RIMS1: variants seen among roughly 807,000 people sequenced by gnomAD.
RIMS1 encodes regulating synaptic membrane exocytosis protein 1.
RIMS1 carries 83 observed loss-of-function variants against 214.1 expected under a neutral mutation model. The ratio of observed to expected loss-of-function variants is 0.39; its 90% CI spans 0.32 to 0.47. RIMS1 has a LOEUF of 0.47. Among genes scored for constraint, RIMS1 ranks in the 20% least tolerant of loss-of-function variants. The probability of loss-of-function intolerance (pLI) is 0.99; values close to 1 mark genes in which losing one functional copy is unlikely to be tolerated. For missense variants in RIMS1, 2,050 were observed against 2,161.8 expected (o/e 0.95, Z 1.03); for synonymous variants, 793 against 786.8 (o/e 1.01, Z -0.13).
intron 3 of RIMS1, among the ~76,000 whole-genome samples, chr6:72,098,935 T>G (rs1444401439): frequency 1.3e-5 from 2 of 152,230 alleles, no homozygotes; most frequent in African/African-American, 2.4e-5. Context: ...TAAGATCTAT[T>G]TGTTAACTTC....
At position 72,366,647 on chromosome 6, in the gene RIMS1, T is replaced by C. The variant is rs2098034029; in HGVS notation, c.4367-23951T>C. On this transcript the variant is annotated intron_variant, in intron 29 of 33. Coordinates refer to ENST00000521978, the MANE Select transcript of RIMS1 (RefSeq NM_014989.7). The stretch of plus-strand genomic sequence containing the variant: ...AGCACTCTTGACAGAAGCAATTTAA[T>C]TATATTCTGTATATGCATGAGAAGG... 7.4e-6 allele frequency: 7 copies of C among 940,654 alleles called. No homozygotes were observed. The African/African-American group carries it at 8.9e-5, about 12-fold the overall frequency. The allele number at this position is 940,654 out of a possible 1,614,324, so 58.3% of individuals were successfully genotyped here. A position where few individuals can be genotyped will look rare whatever the true frequency, so the allele number is the denominator to read the frequency against.
chr6:72,118,250 A>G lies in RIMS1; in HGVS notation c.471+18264A>G, dbSNP rs147092832. Among the ~76,000 whole-genome samples the G allele has an allele frequency of 2.6e-4, 40 of 151,736 alleles. No homozygotes were observed. In the East Asian group the frequency reaches 7.3e-3, roughly 28 times the overall value. On this transcript the variant is annotated intron_variant, in intron 4 of 33. Coordinates refer to ENST00000521978, the MANE Select transcript of RIMS1 (RefSeq NM_014989.7). The stretch of plus-strand genomic sequence containing the variant: ...AAGATATAGAAACCCAGAACAGATC[A>G]ATAACAAGCAGTGGTATCTGCCATT...
chr6:72,126,772 A>C (rs2039597242), intron 4 of RIMS1: 1 of 249,278 alleles, frequency 4.0e-6, no homozygotes, highest in East Asian at 1.0e-4. Context: ...AAAAAAAAAA[A>C]AAAAAAAAAA....
At chr6:71,975,736 T>C (rs2151423455) in intron 2 of RIMS1, among the ~76,000 whole-genome samples, 1 of 152,264 alleles carries the variant, frequency 6.6e-6, no homozygotes, top group South Asian at 2.1e-4. Context: ...TACCCCATTC[T>C]CCTCAAAATA....
chr6:72,007,138 C>A (rs779752646), intron 2 of RIMS1, among the ~76,000 whole-genome samples: 1 of 152,134 alleles, frequency 6.6e-6, no homozygotes, highest in South Asian at 2.1e-4. Flanking sequence ...TCCAGAGGAA[C>A]GATCACGCAG....
At chr6:72,352,647 G>A (rs1351667637) in intron 29 of RIMS1, among the ~76,000 whole-genome samples, 6 of 152,122 alleles carry the variant, frequency 3.9e-5, no homozygotes, top group Non-Finnish European at 8.8e-5. Context: ...TGGTTCAGGT[G>A]CCCAGGTTCT....
intron 2 of RIMS1, among the ~76,000 whole-genome samples, chr6:72,091,063 T>G (rs1404901363): frequency 1.3e-5 from 2 of 152,218 alleles, no homozygotes; most frequent in African/African-American, 2.4e-5. Flanking sequence ...ACAGAGGCCA[T>G]GCTTATTGTT....
In RIMS1 at chr6:72,216,744, C is replaced by T. The variant is rs1188554815; in HGVS notation, c.1679-17029C>T. The T allele has an allele frequency of 1.8e-5, 18 of 986,034 alleles. No homozygotes were observed. In the African/African-American group the frequency reaches 2.8e-4, roughly 15 times the overall value. 61.1% of individuals were successfully genotyped at this position (986,034 alleles called of 1,614,324 possible). ...ACAAGATGAGCTCCTGAACATTTGC[C>T]TGAGTCTTTTCTTCTGTGTTAGCTT... is the stretch of plus-strand genomic sequence containing the variant. On this transcript the variant is annotated intron_variant, in intron 6 of 33. Transcript: ENST00000521978.
intron 16 of RIMS1, among the ~76,000 whole-genome samples, chr6:72,256,658 A>G (rs1186972126): frequency 1.3e-5 from 2 of 148,740 alleles, no homozygotes; most frequent in Non-Finnish European, 3.0e-5. Flanking sequence ...AATTCAGACT[A>G]TGGATTAATT....
intron 29 of RIMS1, among the ~76,000 whole-genome samples, chr6:72,337,968 AT>A (rs2096905182): frequency 6.6e-6 from 1 of 151,534 alleles, no homozygotes; most frequent in Non-Finnish European, 1.5e-5. Flanking sequence ...TATGTGCCAC[AT>A]TTCCTTAATC....
At chr6:72,278,724 A>G (rs2088200423) in intron 23 of RIMS1, among the ~76,000 whole-genome samples, 1 of 152,124 alleles carries the variant, frequency 6.6e-6, no homozygotes, top group Non-Finnish European at 1.5e-5. Flanking sequence ...TAATAGCTAC[A>G]GTCGTATACA....
chr6:72,339,784 C>A (rs1365006161), intron 29 of RIMS1, among the ~76,000 whole-genome samples: 7 of 151,910 alleles, frequency 4.6e-5, no homozygotes, highest in African/African-American at 7.3e-5. Context: ...ATTTATAGTC[C>A]TTTGGGTATA....
chr6:71,993,812 A>AT (rs919967986), intron 2 of RIMS1, among the ~76,000 whole-genome samples: 1 of 152,132 alleles, frequency 6.6e-6, no homozygotes, highest in Non-Finnish European at 1.5e-5. Context: ...GTAGGGGGCT[A>AT]TTTCCTTATG....
At chr6:72,000,779 T>A (rs1173961293) in intron 2 of RIMS1, among the ~76,000 whole-genome samples, 1 of 152,176 alleles carries the variant, frequency 6.6e-6, no homozygotes, top group Non-Finnish European at 1.5e-5. Context: ...TTTGCCATTG[T>A]TTATAGTCCT....
intron 1 of RIMS1, among the ~76,000 whole-genome samples, chr6:71,965,557 T>C (rs1377239005): frequency 6.6e-6 from 1 of 152,326 alleles, no homozygotes; most frequent in South Asian, 2.1e-4. Context: ...GAGTGGGCAG[T>C]TGGCAACCAT....
intron 4 of RIMS1, among the ~76,000 whole-genome samples, chr6:72,117,924 G>T (rs2037405307): frequency 6.6e-6 from 1 of 151,780 alleles, no homozygotes; most frequent in Admixed American, 6.6e-5. Flanking sequence ...AAATAACAAA[G>T]ATCAGAGCAA....
At chr6:71,917,558 A>G (rs905406825) in intron 1 of RIMS1, among the ~76,000 whole-genome samples, 2 of 152,128 alleles carry the variant, frequency 1.3e-5, no homozygotes, top group Non-Finnish European at 2.9e-5. Flanking sequence ...AAGAGGGAAG[A>G]AGGTCACCTA....
At chr6:72,075,054 G>C (rs1484451619) in intron 2 of RIMS1, among the ~76,000 whole-genome samples, 1 of 151,996 alleles carries the variant, frequency 6.6e-6, no homozygotes, top group Non-Finnish European at 1.5e-5. Context: ...GAAGTAGCTG[G>C]GAAGACAGAT....
intron 2 of RIMS1, among the ~76,000 whole-genome samples, chr6:72,077,555 C>T (rs1352051511): frequency 1.3e-5 from 2 of 152,164 alleles, no homozygotes; most frequent in South Asian, 2.1e-4. Flanking sequence ...ACACTTAGGT[C>T]TTCTTACTTT....
Sources: allele counts gnomAD v4.1 joint callset (sites outside exome capture counted in the v4.1 genomes callset), GRCh38; gene constraint gnomAD v4.1.1; transcripts MANE v1.5; gene names NCBI Gene and HGNC (gene_info 2026-07-23, HGNC 2026-07-21).